Variants in CHRM3 observed in about 807,000 individuals in gnomAD.
CHRM3 encodes the protein cholinergic receptor muscarinic 3.
In CHRM3, 11 loss-of-function variants were observed where a neutral mutation model predicts 41.8. The ratio of observed to expected loss-of-function variants is 0.26; its 90% CI spans 0.17 to 0.44. The LOEUF is 0.44. CHRM3 is among the 20% of genes least tolerant of loss of function. CHRM3 has a pLI of 1.00. For missense variants in CHRM3, 571 were observed against 745.4 expected (o/e 0.77, Z 2.72); for synonymous variants, 297 against 301.4 (o/e 0.99, Z 0.15).
At chr1:239,400,116 C>G (rs1031195149) in intron 1 of CHRM3, among the ~76,000 whole-genome samples, 1 of 152,094 alleles carries the variant, frequency 6.6e-6, no homozygotes, top group African/African-American at 2.4e-5. Context: ...GCCATGTTGG[C>G]CAGGCTGGTC....
rs950731466 is a variant in CHRM3 at position 239,909,123 on chromosome 1, C to T, written c.1672C>T (p.Leu558=). The T allele has an allele frequency of 6.2e-7, 1 of 1,614,138 alleles. No homozygotes were observed. Among genetic ancestry groups the T allele is most frequent in the African/African-American group, 1.3e-5 (1 of 75,032 alleles). The stretch of plus-strand genomic sequence containing the variant: ...AACATTCAGAACCACTTTCAAGATG[C>T]TGCTGCTGTGCCAGTGTGACAAAAA... The part of the protein sequence containing the change: ...NKTFRTTFKM[L]LLCQCDKKKR... Residue 558 remains leucine (L), a synonymous_variant, in exon 7 of 7, where the codon CTG becomes TTG. Coordinates refer to ENST00000676153, the MANE Select transcript of CHRM3 (RefSeq NM_001375978.1).
chr1:239,673,504 C>T (rs1657625636), intron 4 of CHRM3, among the ~76,000 whole-genome samples: 1 of 152,092 alleles, frequency 6.6e-6, no homozygotes, highest in Non-Finnish European at 1.5e-5. Context: ...TTTAACCATG[C>T]AAACACATAT....
rs558435044 is a variant in CHRM3, at chr1:239,704,757, A to C, written c.-147+26469A>C. The C allele has an allele frequency of 2.0e-5, 3 of 152,342 alleles. No homozygotes were observed. In the South Asian group the frequency reaches 6.2e-4, roughly 32 times the overall value. The allele number at this position is 152,342 out of a possible 1,614,324, so 9.4% of individuals were successfully genotyped here. The stretch of plus-strand genomic sequence containing the variant: ...GAAAGATATATTAATATTTATAATA[A>C]AGATACAAATAGAGCTAGAGGGAGC... On this transcript the variant is annotated intron_variant, in intron 5 of 6. Transcript: ENST00000676153.
intron 5 of CHRM3, among the ~76,000 whole-genome samples, chr1:239,783,452 C>T (rs1014005151): frequency 6.6e-6 from 1 of 151,848 alleles, no homozygotes; most frequent in Non-Finnish European, 1.5e-5. Flanking sequence ...AGGTAAATTT[C>T]ACAGAAATAA....
chr1:239,868,589 G>T (rs1314834500), intron 6 of CHRM3, among the ~76,000 whole-genome samples: 3 of 152,100 alleles, frequency 2.0e-5, no homozygotes. Flanking sequence ...GCCAGCCCTG[G>T]CTAGGGAGTT....
intron 1 of CHRM3, among the ~76,000 whole-genome samples, chr1:239,450,957 T>C (rs1469266677): frequency 6.6e-6 from 1 of 152,174 alleles, no homozygotes; most frequent in Non-Finnish European, 1.5e-5. Flanking sequence ...TGGGAGGCCA[T>C]GACAGAAGAA....
At chr1:239,813,237 C>A (rs2148993714) in intron 5 of CHRM3, among the ~76,000 whole-genome samples, 1 of 152,254 alleles carries the variant, frequency 6.6e-6, no homozygotes, top group Non-Finnish European at 1.5e-5. Flanking sequence ...GACATTGTGC[C>A]ACCGCACTCC....
intron 5 of CHRM3, among the ~76,000 whole-genome samples, chr1:239,728,250 C>T (rs183460069): frequency 8.9e-4 from 136 of 152,016 alleles, no homozygotes; most frequent in South Asian, 7.0e-3. Context: ...CTGAATTTAA[C>T]GTTAGTTTTC....
chr1:239,812,165 G>T (rs1474325404), intron 5 of CHRM3, among the ~76,000 whole-genome samples: 2 of 152,032 alleles, frequency 1.3e-5, no homozygotes. Context: ...TCAGCCTCCC[G>T]AGTAGCTGGG....
intron 6 of CHRM3, among the ~76,000 whole-genome samples, chr1:239,900,377 C>CTTT (rs10567817): frequency 4.6e-5 from 6 of 130,382 alleles, no homozygotes; most frequent in African/African-American, 1.1e-4. Flanking sequence ...TTTAGATATT[C>CTTT]TTTTTTTTTT....
At chr1:239,486,958 CTA>C (rs1667221212) in intron 1 of CHRM3, among the ~76,000 whole-genome samples, 1 of 152,208 alleles carries the variant, frequency 6.6e-6, no homozygotes, top group Non-Finnish European at 1.5e-5. Context: ...ACCATTTGCT[CTA>C]TGTCACTGAA....
At chr1:239,898,827 G>T (rs1679231943) in intron 6 of CHRM3, among the ~76,000 whole-genome samples, 1 of 152,000 alleles carries the variant, frequency 6.6e-6, no homozygotes, top group Non-Finnish European at 1.5e-5. Flanking sequence ...TTTCACACTG[G>T]ATATTTACAC....
intron 3 of CHRM3, among the ~76,000 whole-genome samples, chr1:239,608,614 C>T (rs1666632308): frequency 1.3e-5 from 2 of 152,188 alleles, no homozygotes; most frequent in African/African-American, 4.8e-5. Context: ...TAGAACATTT[C>T]GTATCTTTGA....
intron 1 of CHRM3, among the ~76,000 whole-genome samples, chr1:239,391,384 C>G (rs118063193): frequency 6.6e-6 from 1 of 152,176 alleles, no homozygotes; most frequent in African/African-American, 2.4e-5. Context: ...CCTCAGTACA[C>G]CATGATGGAC....
At chr1:239,467,066 A>T in intron 1 of CHRM3, among the ~76,000 whole-genome samples, 1 of 152,234 alleles carries the variant, frequency 6.6e-6, no homozygotes, top group South Asian at 2.1e-4. Context: ...TAAACAGGTT[A>T]TTAAATATAC....
intron 4 of CHRM3, among the ~76,000 whole-genome samples, chr1:239,656,851 C>T (rs559844003): frequency 5.1e-4 from 77 of 151,992 alleles, no homozygotes; most frequent in African/African-American, 1.9e-3. Context: ...AGATATATTC[C>T]TTGAAATATG....
chr1:239,684,784 AAAG>A (rs1311287247), intron 5 of CHRM3, among the ~76,000 whole-genome samples: 20 of 151,098 alleles, frequency 1.3e-4, no homozygotes, highest in South Asian at 2.1e-4. Flanking sequence ...AAGAGAAAGA[AAAG>A]AGAAGAGAAG....
Position 239,671,835 on chromosome 1 carries a change from T to C in CHRM3, c.-249-6351T>C, listed in dbSNP as rs76550922. ...CCTGGAAAACTCAAGTCAGAATGTA[T>C]GGAAGAGAATTCTTCAACTGATTAC... is the stretch of plus-strand genomic sequence containing the variant. On this transcript the variant is annotated intron_variant, in intron 4 of 6. Transcript: ENST00000676153. 9.2e-3 allele frequency among the ~76,000 whole-genome samples: 1,399 copies of C among 152,276 alleles called. 11 individuals are homozygous for C. Among genetic ancestry groups the C allele is most frequent in the Non-Finnish European group, 0.016 (1,062 of 68,020 alleles).
chr1:239,728,743 T>A (rs1663677782), intron 5 of CHRM3, among the ~76,000 whole-genome samples: 1 of 151,978 alleles, frequency 6.6e-6, no homozygotes, highest in Admixed American at 6.6e-5. Context: ...AAGGATCTAC[T>A]AAACCTTTTT....
Sources: allele counts gnomAD v4.1 joint callset (sites outside exome capture counted in the v4.1 genomes callset), GRCh38; gene constraint gnomAD v4.1.1; transcripts MANE v1.5; gene names NCBI Gene and HGNC (gene_info 2026-07-23, HGNC 2026-07-21).